CDH12: variants seen among roughly 807,000 people sequenced by gnomAD.
CDH12 encodes cadherin-12.
In CDH12, 41 loss-of-function variants were observed where a neutral mutation model predicts 74.1. That is an observed-to-expected ratio of 0.55 (90% confidence interval 0.43 to 0.72). The LOEUF (loss-of-function observed/expected upper bound fraction) is 0.72. Ranked by LOEUF, CDH12 falls within the 30% of genes least tolerant of loss-of-function variation. The probability of loss-of-function intolerance (pLI) is 0.00; values close to 1 mark genes in which losing one functional copy is unlikely to be tolerated. For missense variants in CDH12, 945 were observed against 977.2 expected (o/e 0.97, Z 0.44); for synonymous variants, 399 against 355.0 (o/e 1.12, Z -1.39).
At chr5:22,741,957 G>T (rs1440285947) in intron 1 of CDH12, among the ~76,000 whole-genome samples, 1 of 152,158 alleles carries the variant, frequency 6.6e-6, no homozygotes, top group Non-Finnish European at 1.5e-5. Flanking sequence ...GAGACAGGTG[G>T]ATCACCTGAG....
chr5:22,213,012 T>C (rs1751630750), intron 3 of CDH12, among the ~76,000 whole-genome samples: 1 of 152,160 alleles, frequency 6.6e-6, no homozygotes, highest in South Asian at 2.1e-4. Flanking sequence ...CTCCTGCTGT[T>C]TTTCAAGGTG....
intron 1 of CDH12, among the ~76,000 whole-genome samples, chr5:22,847,097 G>A (rs947084278): frequency 6.6e-6 from 1 of 151,876 alleles, no homozygotes; most frequent in African/African-American, 2.4e-5. Flanking sequence ...TCTTATATTG[G>A]TGATCTTCTT....
At chr5:22,376,490 A>T (rs79817242) in intron 3 of CDH12, among the ~76,000 whole-genome samples, 2 of 152,232 alleles carry the variant, frequency 1.3e-5, no homozygotes, top group East Asian at 3.9e-4. Flanking sequence ...ACATATTCTC[A>T]TTGTGATGAT....
chr5:21,994,324 G>T (rs1736146936), intron 5 of CDH12, among the ~76,000 whole-genome samples: 1 of 145,966 alleles, frequency 6.9e-6, no homozygotes, highest in Non-Finnish European at 1.5e-5. Flanking sequence ...AAGAAGAAAG[G>T]AGTTCTGACA....
rs147716421 is a variant in CDH12, at chr5:22,252,934, T to C, written c.-332-40291A>G. On this transcript the variant is annotated intron_variant, in intron 3 of 14. Coordinates refer to ENST00000382254, the MANE Select transcript of CDH12 (RefSeq NM_004061.5). ...TATCAGATGTGTAATTTAATATTGT[T>C]GGTGTCATTACTGATTAATAAGTAC... Among the ~76,000 whole-genome samples, 3 of 152,082 alleles carry C rather than the reference T, an allele frequency of 2.0e-5. No homozygotes were observed. In the East Asian group the frequency reaches 5.8e-4, roughly 29 times the overall value.
At chr5:21,852,601 T>C (rs1750530185) in intron 7 of CDH12, among the ~76,000 whole-genome samples, 1 of 151,498 alleles carries the variant, frequency 6.6e-6, no homozygotes, top group Admixed American at 6.6e-5. Context: ...AGGTTAGATA[T>C]GGTTTTATCC....
At chr5:22,382,737 T>C (rs1741823001) in intron 3 of CDH12, among the ~76,000 whole-genome samples, 1 of 152,168 alleles carries the variant, frequency 6.6e-6, no homozygotes, top group African/African-American at 2.4e-5. Context: ...CGGAATTTAG[T>C]ATTAATTTTA....
chr5:22,736,789 T>A (rs900370781), intron 1 of CDH12, among the ~76,000 whole-genome samples: 1 of 151,772 alleles, frequency 6.6e-6, no homozygotes, highest in African/African-American at 2.4e-5. Context: ...TCTGGCTACA[T>A]TCACATTATC....
intron 1 of CDH12, among the ~76,000 whole-genome samples, chr5:22,535,399 G>C (rs1464583429): frequency 6.6e-6 from 1 of 151,944 alleles, no homozygotes; most frequent in Non-Finnish European, 1.5e-5. Context: ...CTCGTGATCC[G>C]CCCGCCTTGG....
At chr5:22,502,941 A>G (rs1277044759) in intron 2 of CDH12, among the ~76,000 whole-genome samples, 1 of 152,084 alleles carries the variant, frequency 6.6e-6, no homozygotes, top group Non-Finnish European at 1.5e-5. Flanking sequence ...CCTTTTATAC[A>G]TCTATATCCT....
At chr5:22,025,523 C>G (rs1486459678) in intron 5 of CDH12, among the ~76,000 whole-genome samples, 1 of 152,108 alleles carries the variant, frequency 6.6e-6, no homozygotes, top group Non-Finnish European at 1.5e-5. Flanking sequence ...ATGGGCTTGA[C>G]TTGATGTTGA....
At position 22,669,850 on chromosome 5, in the gene CDH12, A is replaced by T. The variant is rs529195001; in HGVS notation, c.-522-164486T>A. Among the ~76,000 whole-genome samples the T allele has an allele frequency of 5.9e-5, 9 of 152,260 alleles. No individual in the cohort carries two copies. In the South Asian group the frequency reaches 1.9e-3, roughly 32 times the overall value. ...TTTCATGTTATGAGCAGCTGAGCTT[A>T]TTTCTAACTTTCAGTAATTATGCTA... On this transcript the variant is annotated intron_variant, in intron 1 of 14. Coordinates refer to ENST00000382254, the MANE Select transcript of CDH12 (RefSeq NM_004061.5).
At position 22,433,640 on chromosome 5, in the gene CDH12, C is replaced by CA. The variant is rs553589546; in HGVS notation, c.-427-28290dup. Reference sequence around the variant, plus strand: ...AAATTTTAATAGATTTGAATTTTCACAAAAAAGTATCTGAAATAAGTCACA... The same window carrying CA: ...AAATTTTAATAGATTTGAATTTTCACAAAAAAAGTATCTGAAATAAGTCACA... On this transcript the variant is annotated intron_variant, in intron 2 of 14. Transcript: ENST00000382254. Among the ~76,000 whole-genome samples the CA allele has an allele frequency of 6.8e-3, 1,028 of 152,104 alleles. 9 individuals are homozygous for CA. The highest frequency in any genetic ancestry group is 9.5e-3 in the Non-Finnish European group (648 of 67,966).
At chr5:22,302,915 A>G (rs1480638720) in intron 3 of CDH12, among the ~76,000 whole-genome samples, 3 of 152,146 alleles carry the variant, frequency 2.0e-5, no homozygotes, top group African/African-American at 4.8e-5. Context: ...TAAAAATATC[A>G]TGTTAACCAT....
intron 6 of CDH12, among the ~76,000 whole-genome samples, chr5:21,934,839 T>G (rs1207250209): frequency 3.9e-5 from 6 of 151,964 alleles, no homozygotes; most frequent in Non-Finnish European, 8.8e-5. Flanking sequence ...CAGGCTGGAG[T>G]GCAGTGGCGC....
chr5:22,022,996 A>G (rs1374338848), intron 5 of CDH12, among the ~76,000 whole-genome samples: 1 of 152,198 alleles, frequency 6.6e-6, no homozygotes, highest in South Asian at 2.1e-4. Flanking sequence ...AAGTAATTTT[A>G]GGAGCTTTAA....
At chr5:21,833,316 T>TATATAATATATATTATATATTATATAAC (rs1263710525) in intron 8 of CDH12, among the ~76,000 whole-genome samples, 3 of 10,238 alleles carry the variant, frequency 2.9e-4, no homozygotes, top group East Asian at 3.0e-3. Flanking sequence ...TGTTATATGT[T>TATATAATATATATTATATATTATATAAC]ATATAATATA....
At chr5:22,188,911 A>G (rs1307885954) in intron 4 of CDH12, among the ~76,000 whole-genome samples, 1 of 152,212 alleles carries the variant, frequency 6.6e-6, no homozygotes, top group Non-Finnish European at 1.5e-5. Flanking sequence ...AACATAAACC[A>G]TAATTGTGGA....
intron 5 of CDH12, among the ~76,000 whole-genome samples, chr5:22,071,389 CATTAAAACT>C (rs1215434110): frequency 6.6e-6 from 1 of 151,908 alleles, no homozygotes; most frequent in South Asian, 2.1e-4. Context: ...TAGACAAAAC[CATTAAAACT>C]ATTTTGACAA....
Sources: allele counts gnomAD v4.1 joint callset (sites outside exome capture counted in the v4.1 genomes callset), GRCh38; gene constraint gnomAD v4.1.1; transcripts MANE v1.5; gene names NCBI Gene and HGNC (gene_info 2026-07-23, HGNC 2026-07-21).